Variants in ALDH1A2 observed in about 807,000 individuals in gnomAD.
The protein encoded by ALDH1A2 is retinal dehydrogenase 2.
ALDH1A2 carries 27 observed loss-of-function variants against 60.3 expected under a neutral mutation model. The ratio of observed to expected loss-of-function variants is 0.45; its 90% CI spans 0.33 to 0.62. The LOEUF is 0.62. Among genes scored for constraint, ALDH1A2 ranks in the 20% least tolerant of loss-of-function variants. The probability of loss-of-function intolerance (pLI) is 0.02; values close to 1 mark genes in which losing one functional copy is unlikely to be tolerated. For synonymous variants in ALDH1A2, 289 were observed against 232.4 expected, an observed-to-expected ratio of 1.24 and a Z score of -2.21; for missense variants, 581 against 643.8, an observed-to-expected ratio of 0.90 and a Z score of 1.06.
At chr15:57,986,271 A>G (rs1894696994) in intron 7 of ALDH1A2, among the ~76,000 whole-genome samples, 1 of 152,174 alleles carries the variant, frequency 6.6e-6, no homozygotes, top group African/African-American at 2.4e-5. Context: ...GTATGGTATG[A>G]GGAGACCAAA....
intron 5 of ALDH1A2, among the ~76,000 whole-genome samples, chr15:57,993,821 C>G (rs1457565526): frequency 6.6e-6 from 1 of 152,184 alleles, no homozygotes; most frequent in African/African-American, 2.4e-5. Context: ...AACAGAAATC[C>G]TCATCCCCTG....
At chr15:57,962,718 G>C (rs2140451027) in intron 9 of ALDH1A2, among the ~76,000 whole-genome samples, 1 of 152,154 alleles carries the variant, frequency 6.6e-6, no homozygotes, top group South Asian at 2.1e-4. Context: ...AAAAAACAAG[G>C]TCAGTCTTCC....
chr15:57,988,664 A>G (rs1404572309), intron 7 of ALDH1A2, among the ~76,000 whole-genome samples: 1 of 152,226 alleles, frequency 6.6e-6, no homozygotes, highest in Non-Finnish European at 1.5e-5. Context: ...ACACAGGTGT[A>G]TATACATGGT....
chr15:58,047,742 T>G (rs1251073786), intron 1 of ALDH1A2, among the ~76,000 whole-genome samples: 1 of 151,974 alleles, frequency 6.6e-6, no homozygotes, highest in Non-Finnish European at 1.5e-5. Flanking sequence ...CTTCCTGAAA[T>G]GGTTATATAG....
intron 7 of ALDH1A2, among the ~76,000 whole-genome samples, chr15:57,987,497 C>T (rs1409382770): frequency 1.3e-5 from 2 of 152,020 alleles, no homozygotes; most frequent in Non-Finnish European, 2.9e-5. Context: ...AGAAACATGC[C>T]AGAATGATAT....
intron 1 of ALDH1A2, among the ~76,000 whole-genome samples, chr15:58,037,215 T>A (rs1393728030): frequency 3.3e-5 from 5 of 151,398 alleles, no homozygotes; most frequent in Non-Finnish European, 4.4e-5. Context: ...AGAAAACTCA[T>A]ATAGGTAGTA....
chr15:58,044,411 T>C (rs1896591410), intron 1 of ALDH1A2, among the ~76,000 whole-genome samples: 1 of 152,024 alleles, frequency 6.6e-6, no homozygotes, highest in East Asian at 1.9e-4. Context: ...CAGTGTGTGG[T>C]TTTCTATTCC....
chr15:57,996,313 CTCTCTCTT>C (rs1427153443), intron 4 of ALDH1A2, among the ~76,000 whole-genome samples: 2 of 151,840 alleles, frequency 1.3e-5, no homozygotes, highest in Non-Finnish European at 2.9e-5. Context: ...CTCTCTCTCT[CTCTCTCTT>C]ACTCTCCCAG....
At chr15:57,961,115 A>G in intron 11 of ALDH1A2, 22 bp downstream of exon 11, 4 of 1,613,432 alleles carry the variant, frequency 2.5e-6, no homozygotes, top group South Asian at 2.2e-5. Context: ...GGAATTTGTT[A>G]CAAGACTGAC....
At position 58,040,519 on chromosome 15, in the gene ALDH1A2, T is replaced by C. The variant is rs57345707; in HGVS notation, c.117+25015A>G. ...TTTCATCTAGATAACAAATCTACGA[T>C]GTAGGCATTATTTCCTGTCTAAAGG... On this transcript the variant is annotated intron_variant, in intron 1 of 12. Transcript: ENST00000249750. Among the ~76,000 whole-genome samples, 278 of 152,056 alleles carry C rather than the reference T, an allele frequency of 1.8e-3. 1 individual carries two copies. Among genetic ancestry groups the C allele is most frequent in the African/African-American group, 6.5e-3 (268 of 41,540 alleles).
rs79906308 is a variant in ALDH1A2 at position 58,052,302 on chromosome 15, G to A, written c.117+13232C>T. The stretch of plus-strand genomic sequence containing the variant: ...GTCTTTCAGATGCCCATAATCCCAA[G>A]TTCTGGGCCCAGGAAAGTAGAGTTC... On this transcript the variant is annotated intron_variant, in intron 1 of 12. Transcript: ENST00000249750. Among the ~76,000 whole-genome samples, 96 of 152,194 alleles carry A rather than the reference G, an allele frequency of 6.3e-4. 1 individual carries two copies. The East Asian group carries it at 0.016, about 25-fold the overall frequency.
chr15:57,994,027 A>T (rs991892156), intron 5 of ALDH1A2, among the ~76,000 whole-genome samples: 12 of 152,208 alleles, frequency 7.9e-5, no homozygotes, highest in Admixed American at 1.3e-4. Flanking sequence ...TACAGTGTAT[A>T]AATCTTAAAG....
chr15:58,000,325 C>A, intron 4 of ALDH1A2, among the ~76,000 whole-genome samples: 1 of 151,894 alleles, frequency 6.6e-6, no homozygotes, highest in East Asian at 1.9e-4. Flanking sequence ...TCTGTGGGCA[C>A]CTTCAGCTAG....
chr15:58,065,621 G>T lies in ALDH1A2; in HGVS notation c.30C>A (p.Gly10=), dbSNP rs752225219. 6 of 1,607,022 alleles carry T rather than the reference G, an allele frequency of 3.7e-6. No individual in the cohort carries two copies. The highest frequency in any genetic ancestry group is 2.7e-5 in the African/African-American group (2 of 74,930). MTSSKIEMP[G]EVKADPAALM... The stretch of plus-strand genomic sequence containing the variant: ...GGGCGGCGGGGTCGGCCTTCACCTC[G>T]CCGGGCATCTCTATCTTGCTGGAAG... Residue 10 remains glycine (G), a synonymous_variant, in exon 1 of 13, where the codon GGC becomes GGA. Transcript: ENST00000249750.
At position 57,953,444 on chromosome 15, in the gene ALDH1A2, C is replaced by T. The variant is rs1233901287; in HGVS notation, c.*1753G>A. 5.2e-5 allele frequency: 8 copies of T among 152,718 alleles called. No individual in the cohort carries two copies. The highest frequency in any genetic ancestry group is 1.4e-4 in the African/African-American group (6 of 41,418). 9.5% of individuals were successfully genotyped at this position (152,718 alleles called of 1,614,324 possible). A position where few individuals can be genotyped will look rare whatever the true frequency, so the allele number is the denominator to read the frequency against. ...TCCCAAGGAGTACACAATATAAATG[C>T]TTTATTGCTAGCACAGAGGTTTCTT... On this transcript the variant is annotated 3_prime_UTR_variant, in exon 13 of 13. Transcript: ENST00000249750.
At position 57,983,081 on chromosome 15, in the gene ALDH1A2, C is replaced by CA. The variant is rs530862395; in HGVS notation, c.798+9623dup. Among the ~76,000 whole-genome samples, 57 of 151,844 alleles carry CA rather than the reference C, an allele frequency of 3.8e-4. 1 individual carries two copies. The South Asian group carries it at 0.011, about 28-fold the overall frequency. On this transcript the variant is annotated intron_variant, in intron 7 of 12. Transcript: ENST00000249750. The stretch of plus-strand genomic sequence containing the variant: ...GACTTCTAAGGATAGACACTGAATT[C>CA]AAAAAAAATCTGCAGCTCTGGTGTT...
chr15:58,013,942 C>T lies in ALDH1A2; in HGVS notation c.279G>A (p.Val93=), dbSNP rs767255143. 1.2e-6 allele frequency: 2 copies of T among 1,614,122 alleles called. No individual in the cohort carries two copies. The highest frequency in any genetic ancestry group is 1.7e-5 in the Admixed American group (1 of 60,020). Residue 93 remains valine, a synonymous_variant, in exon 3 of 13, where the codon GTG becomes GTA. Coordinates refer to ENST00000249750, the MANE Select transcript of ALDH1A2 (RefSeq NM_003888.4). The stretch of plus-strand genomic sequence containing the variant: ...TTTCTGAAGCATCCATCCTTCTCCA[C>T]ACTGAACCAAGAGAGAAAGCCAGGC... The part of the protein sequence containing the change: ...AARLAFSLGS[V]WRRMDASERG...
At chr15:58,062,725 C>T (rs1483843769) in intron 1 of ALDH1A2, among the ~76,000 whole-genome samples, 2 of 152,134 alleles carry the variant, frequency 1.3e-5, no homozygotes, top group African/African-American at 4.8e-5. Context: ...CATAAGGGAT[C>T]ACTTTTAAAA....
chr15:57,970,917 G>A (rs961487286), intron 7 of ALDH1A2, among the ~76,000 whole-genome samples: 2 of 152,116 alleles, frequency 1.3e-5, no homozygotes, highest in African/African-American at 4.8e-5. Flanking sequence ...CCAAAAATAT[G>A]GGGATTGGGT....
Sources: allele counts gnomAD v4.1 joint callset (sites outside exome capture counted in the v4.1 genomes callset), GRCh38; gene constraint gnomAD v4.1.1; transcripts MANE v1.5; gene names NCBI Gene and HGNC (gene_info 2026-07-23, HGNC 2026-07-21).